The following SGCZ variants were observed in gnomAD, a reference collection of about 807,000 sequenced individuals.
SGCZ encodes sarcoglycan zeta.
In SGCZ, 40 loss-of-function variants were observed where a neutral mutation model predicts 41.3. That is an observed-to-expected ratio of 0.97 (90% confidence interval 0.75 to 1.26). SGCZ has a LOEUF of 1.26. SGCZ is among the 50% of genes most tolerant of loss of function. The pLI is 0.00. For missense variants in SGCZ, 552 were observed against 369.8 expected (o/e 1.49, Z -4.04); for synonymous variants, 206 against 137.5 (o/e 1.50, Z -3.49).
At position 14,325,739 on chromosome 8, in the gene SGCZ, CACACACACATATATAT is replaced by C. The variant is rs1802074965; in HGVS notation, c.235-1551_235-1536del. 2.2e-4 allele frequency among the ~76,000 whole-genome samples: 7 copies of C among 32,130 alleles called. No individual in the cohort carries two copies. The South Asian group carries it at 8.6e-3, about 40-fold the overall frequency. 21.1% of individuals were successfully genotyped at this position (32,130 alleles called of 152,430 possible). On this transcript the variant is annotated intron_variant, in intron 2 of 7. Coordinates refer to ENST00000382080, the MANE Select transcript of SGCZ (RefSeq NM_139167.4). ...CTGTATACACACACACACACACACA[CACACACACATATATAT>C]ATATATATATATATATATATATATA...
chr8:14,337,617 T>C (rs1224695279), intron 2 of SGCZ, among the ~76,000 whole-genome samples: 2 of 151,864 alleles, frequency 1.3e-5, no homozygotes, highest in Non-Finnish European at 2.9e-5. Context: ...AGAATGAAAG[T>C]CTCAGGAAAG....
intron 3 of SGCZ, among the ~76,000 whole-genome samples, chr8:14,281,569 A>G (rs1339055087): frequency 6.6e-6 from 1 of 152,034 alleles, no homozygotes; most frequent in African/African-American, 2.4e-5. Context: ...GGGGCCTCCA[A>G]TTTATAGACC....
intron 1 of SGCZ, among the ~76,000 whole-genome samples, chr8:14,579,540 C>T (rs1585096544): frequency 6.6e-6 from 1 of 152,168 alleles, no homozygotes; most frequent in African/African-American, 2.4e-5. Flanking sequence ...GTTAATTAAA[C>T]TGTTGGGGAA....
At chr8:14,619,830 A>T (rs1806225451) in intron 1 of SGCZ, among the ~76,000 whole-genome samples, 1 of 152,222 alleles carries the variant, frequency 6.6e-6, no homozygotes, top group Non-Finnish European at 1.5e-5. Context: ...GCTCATGTAC[A>T]GGAAGAATCA....
intron 1 of SGCZ, among the ~76,000 whole-genome samples, chr8:15,225,478 C>A (rs1337245072): frequency 1.3e-5 from 2 of 152,038 alleles, no homozygotes; most frequent in Non-Finnish European, 2.9e-5. Flanking sequence ...AGTTATGGTA[C>A]CGTGTTTGAG....
chr8:14,493,355 CTTTCTTTTT>C (rs1423687545), intron 2 of SGCZ, among the ~76,000 whole-genome samples: 68 of 66,270 alleles, frequency 1.0e-3, no homozygotes, highest in South Asian at 2.5e-3. Flanking sequence ...CACTATCATC[CTTTCTTTTT>C]TTTTTTTTTT....
intron 4 of SGCZ, among the ~76,000 whole-genome samples, chr8:14,226,257 T>G (rs1044595224): frequency 1.3e-5 from 2 of 152,092 alleles, no homozygotes; most frequent in Admixed American, 1.3e-4. Context: ...TTCAAGTTAC[T>G]ATAGAGTCAA....
At chr8:14,190,426 T>A (rs897238784) in intron 4 of SGCZ, among the ~76,000 whole-genome samples, 2 of 152,020 alleles carry the variant, frequency 1.3e-5, no homozygotes, top group African/African-American at 4.8e-5. Flanking sequence ...TATCACACTT[T>A]CATTATTGAT....
intron 1 of SGCZ, among the ~76,000 whole-genome samples, chr8:14,708,137 A>C (rs1809390038): frequency 6.6e-6 from 1 of 151,956 alleles, no homozygotes; most frequent in African/African-American, 2.4e-5. Context: ...TTAAATTTTA[A>C]TTAAATTATA....
chr8:14,681,009 A>G (rs11777809), intron 1 of SGCZ, among the ~76,000 whole-genome samples: 63,232 of 147,210 alleles, frequency 0.43, 15,366 homozygotes, highest in Non-Finnish European at 0.56. Context: ...CTGGCACAAT[A>G]CCAGGAGATC....
At chr8:14,719,264 T>A (rs1463191130) in intron 1 of SGCZ, among the ~76,000 whole-genome samples, 1 of 149,002 alleles carries the variant, frequency 6.7e-6, no homozygotes, top group African/African-American at 2.5e-5. Context: ...GGTTGGACAT[T>A]TGGCTTGGTT....
chr8:14,182,057 G>A (rs73664163), intron 4 of SGCZ, among the ~76,000 whole-genome samples: 12,616 of 152,136 alleles, frequency 0.083, 924 homozygotes, highest in African/African-American at 0.19. Flanking sequence ...TCCTTTGCAT[G>A]CTGCTATGTA....
intron 1 of SGCZ, among the ~76,000 whole-genome samples, chr8:14,994,017 A>G (rs1802119006): frequency 6.6e-6 from 1 of 152,196 alleles, no homozygotes; most frequent in African/African-American, 2.4e-5. Context: ...CTGAGAATAC[A>G]TTGGGGGCTG....
At chr8:14,736,201 A>G (rs1799024422) in intron 1 of SGCZ, among the ~76,000 whole-genome samples, 2 of 152,282 alleles carry the variant, frequency 1.3e-5, no homozygotes, top group East Asian at 3.9e-4. Context: ...GTAGAGGTTC[A>G]TACAGTAAAC....
intron 1 of SGCZ, among the ~76,000 whole-genome samples, chr8:15,170,641 T>C (rs557457437): frequency 9.2e-5 from 14 of 152,210 alleles, no homozygotes; most frequent in Non-Finnish European, 1.9e-4. Context: ...GTTTTGTTTT[T>C]TTAAACTTTC....
chr8:14,574,159 G>A (rs1804640209), intron 1 of SGCZ, among the ~76,000 whole-genome samples: 1 of 152,138 alleles, frequency 6.6e-6, no homozygotes, highest in South Asian at 2.1e-4. Flanking sequence ...ATAACCTTTA[G>A]GATTGTAATG....
intron 2 of SGCZ, among the ~76,000 whole-genome samples, chr8:14,467,176 C>T (rs980558478): frequency 6.6e-6 from 1 of 151,858 alleles, no homozygotes; most frequent in African/African-American, 2.4e-5. Context: ...TTCTCCTGGA[C>T]ATTCATAATA....
chr8:14,545,389 T>G (rs1803594259), intron 2 of SGCZ, among the ~76,000 whole-genome samples: 1 of 148,740 alleles, frequency 6.7e-6, no homozygotes, highest in African/African-American at 2.5e-5. Context: ...ATATTTCAAT[T>G]ATACTTTTGA....
intron 1 of SGCZ, among the ~76,000 whole-genome samples, chr8:14,636,654 G>A (rs1479110497): frequency 1.3e-5 from 2 of 151,746 alleles, no homozygotes; most frequent in East Asian, 1.9e-4. Context: ...TCTACTTGAC[G>A]GCTGATGCAA....
Sources: allele counts gnomAD v4.1 joint callset (sites outside exome capture counted in the v4.1 genomes callset), GRCh38; gene constraint gnomAD v4.1.1; transcripts MANE v1.5; gene names NCBI Gene and HGNC (gene_info 2026-07-23, HGNC 2026-07-21).